Variants in ELP5 observed in about 807,000 individuals in gnomAD.
The protein encoded by ELP5 is elongator complex protein 5.
Under a neutral mutation model 33.4 loss-of-function variants are expected in ELP5, and 34 were observed. That is an observed-to-expected ratio of 1.02 (90% CI 0.78 to 1.36). The LOEUF is 1.36. ELP5 is among the 40% of genes most tolerant of loss of function. The pLI is 0.00. For synonymous variants in ELP5, 161 were observed against 146.4 expected (o/e 1.10, Z -0.72); for missense variants, 373 against 371.7 (o/e 1.00, Z -0.03).
intron 5 of ELP5, among the ~76,000 whole-genome samples, chr17:7,257,643 C>T (rs1326596290): frequency 2.0e-5 from 3 of 151,990 alleles, no homozygotes; most frequent in African/African-American, 2.4e-5. Context: ...CACCCTGTTG[C>T]CCAGGCTGGT....
intron 4 of ELP5, 59 bp from the exon 5 acceptor site, chr17:7,256,798 G>A (rs1292422781): frequency 6.4e-7 from 1 of 1,560,814 alleles, no homozygotes; most frequent in East Asian, 2.2e-5. Flanking sequence ...TTCACTGTTA[G>A]CTCCCAGGCC....
Position 7,256,758 on chromosome 17 carries a change from A to T in ELP5, c.410-99A>T. Reference sequence around the variant, plus strand: ...CAAGGGACGTCAGGATTTTGGCAGCACTGTGATGGAATTGTGAGGCTCTCT... The same window carrying T: ...CAAGGGACGTCAGGATTTTGGCAGCTCTGTGATGGAATTGTGAGGCTCTCT... On this transcript the variant is annotated intron_variant, in intron 4 of 7. Transcript: ENST00000396628. 3.1e-6 allele frequency: 4 copies of T among 1,270,248 alleles called. No individual in the cohort carries two copies. The South Asian group carries it at 3.9e-5, about 12-fold the overall frequency. The allele number at this position is 1,270,248 out of a possible 1,614,324, so 78.7% of individuals were successfully genotyped here. A position where few individuals can be genotyped will look rare whatever the true frequency, so the allele number is the denominator to read the frequency against.
At chr17:7,257,708 A>T (rs1164280601) in intron 5 of ELP5, among the ~76,000 whole-genome samples, 1 of 152,098 alleles carries the variant, frequency 6.6e-6, no homozygotes, top group African/African-American at 2.4e-5. Context: ...AAGTGCTGGG[A>T]TTACAGGTGT....
chr17:7,258,937 G>A lies in ELP5; in HGVS notation c.788+11G>A. 1 of 1,614,132 alleles carries A rather than the reference G, an allele frequency of 6.2e-7. No individual in the cohort carries two copies. Among genetic ancestry groups the A allele is most frequent in the Non-Finnish European group, 8.5e-7 (1 of 1,180,026 alleles). On this transcript the variant is annotated intron_variant, in intron 7 of 7. Coordinates refer to ENST00000396628, the MANE Select transcript of ELP5 (RefSeq NM_203414.3). ...GTTCAGTTCTGAAAAGTAAGGTTGG[G>A]ACCTGGGTACGTGGATCCCTGAGTA...
chr17:7,255,169 G>T (rs895356840), intron 4 of ELP5, among the ~76,000 whole-genome samples: 1 of 151,828 alleles, frequency 6.6e-6, no homozygotes, highest in African/African-American at 2.4e-5. Context: ...TAAGTAAACA[G>T]GCAGTTACAA....
At chr17:7,256,506 T>C (rs1275519665) in intron 4 of ELP5, among the ~76,000 whole-genome samples, 14 of 152,102 alleles carry the variant, frequency 9.2e-5, no homozygotes, top group Admixed American at 9.2e-4. Context: ...TTGAAGGCAC[T>C]GACTGAGATC....
rs141204395 is a variant in ELP5 at position 7,259,612 on chromosome 17, G to C, written c.830G>C (p.Ser277Thr). ...LLRPRPGQAT[S>T]HIFYEPDAYD... The stretch of plus-strand genomic sequence containing the variant: ...CGGCCTAGGCCAGGGCAGGCTACCA[G>C]CCACATCTTCTATGAGCCAGATGCT... Residue 277 changes from serine to threonine, a missense_variant, in exon 8 of 8, where the codon AGC (serine) becomes ACC (threonine). By Grantham distance (58) the Ser-to-Thr change is moderately conservative. Transcript: ENST00000396628. 173 of 1,614,240 alleles carry C rather than the reference G, an allele frequency of 1.1e-4. No homozygotes were observed. The highest frequency in any genetic ancestry group is 1.3e-4 in the Non-Finnish European group (159 of 1,180,036).
In ELP5 at chr17:7,256,880, G is replaced by C; in HGVS notation, c.433G>C (p.Val145Leu). The change falls in exon 5 of 8, where the codon GTG (valine) becomes CTG (leucine). Residue 145 changes from valine to leucine, a missense_variant. Physicochemically the swap from Val to Leu is conservative, Grantham distance 32. Transcript: ENST00000396628. ...AGGTGACAGCTCCTCAGTGGGGAAA[G>C]TGAGTGTGCTGGGCTTGCTACATGA... is the stretch of plus-strand genomic sequence containing the variant. ...CPGDSSSVGKVSVLGLLHEEL... is the reference protein window; with the variant it reads ...CPGDSSSVGKLSVLGLLHEEL... 1 of 1,614,230 alleles carries C rather than the reference G, an allele frequency of 6.2e-7. No individual in the cohort carries two copies.
Position 7,259,587 on chromosome 17 carries a change from C to T in ELP5, c.805C>T (p.Arg269Trp), listed in dbSNP as rs201957922. The T allele has an allele frequency of 3.2e-5, 51 of 1,614,118 alleles. No individual in the cohort carries two copies. The African/African-American group carries it at 4.3e-4, about 14-fold the overall frequency. ...CCTTCTCAGACAGCAGGCTCTCCTG[C>T]GGCCTAGGCCAGGGCAGGCTACCAG... ...FSSEKQQALLRPRPGQATSHI... is the reference protein window; with the variant it reads ...FSSEKQQALLWPRPGQATSHI... Residue 269 changes from arginine to tryptophan, a missense_variant, in exon 8 of 8, where the codon CGG becomes TGG. By Grantham distance (101) the Arg-to-Trp change is moderately radical. Transcript: ENST00000396628.
Position 7,259,882 on chromosome 17 carries a change from TGA to T in ELP5, c.*203_*204del, listed in dbSNP as rs2072174426. 7.9e-6 allele frequency: 7 copies of T among 883,876 alleles called. No individual in the cohort carries two copies. Among genetic ancestry groups the T allele is most frequent in the Admixed American group, 2.9e-5 (1 of 33,968 alleles). 54.8% of individuals were successfully genotyped at this position (883,876 alleles called of 1,614,324 possible). On this transcript the variant is annotated 3_prime_UTR_variant, in exon 8 of 8. Coordinates refer to ENST00000396628, the MANE Select transcript of ELP5 (RefSeq NM_203414.3). ...GGTAGGATGAAGACATGGGGTAATG[TGA>T]GAGAGTAGAACACCCCCGTACCTAA...
chr17:7,254,657 T>G lies in ELP5; in HGVS notation c.263T>G (p.Leu88Arg), dbSNP rs1189197075. ...KTEEAFPGGP[L>R]GALRAMCKRT... is the part of the protein sequence containing the mutation. The stretch of plus-strand genomic sequence containing the variant: ...GAGGAGGCCTTTCCTGGGGGGCCGC[T>G]GGGAGCCTTGAGAGCCATGTGCAAG... The change falls in exon 4 of 8, where the codon CTG becomes CGG. Residue 88 changes from leucine (L) to arginine (R), a missense_variant. By Grantham distance (102) the Leu-to-Arg change is moderately radical. Coordinates refer to ENST00000396628, the MANE Select transcript of ELP5 (RefSeq NM_203414.3). 6.2e-7 allele frequency: 1 copy of G among 1,614,194 alleles called. No individual in the cohort carries two copies. The highest frequency in any genetic ancestry group is 2.2e-5 in the East Asian group (1 of 44,890).
At chr17:7,253,278 TTAAGG>T (rs1236252115) in intron 3 of ELP5, among the ~76,000 whole-genome samples, 6 of 152,182 alleles carry the variant, frequency 3.9e-5, no homozygotes, top group Non-Finnish European at 2.9e-5. Flanking sequence ...GCTTCACTCT[TTAAGG>T]TACATATGTA....
At chr17:7,258,713 G>T (rs1272961970) in intron 6 of ELP5, 30 bp downstream of exon 6, 1 of 1,614,112 alleles carries the variant, frequency 6.2e-7, no homozygotes, top group East Asian at 2.2e-5. Flanking sequence ...CCAGAACAAG[G>T]AAATGTAGTT....
chr17:7,255,881 C>T (rs1015282668), intron 4 of ELP5, among the ~76,000 whole-genome samples: 1 of 151,082 alleles, frequency 6.6e-6, no homozygotes, highest in Non-Finnish European at 1.5e-5. Context: ...ATGGTGAAAC[C>T]CTGTCTCTAC....
intron 1 of ELP5, 57 bp downstream of exon 1, chr17:7,252,653 G>C: frequency 6.2e-7 from 1 of 1,602,478 alleles, no homozygotes; most frequent in Non-Finnish European, 8.5e-7. Context: ...CTGGCTGAGG[G>C]GACGGAAGTG....
At chr17:7,256,705 A>G in intron 4 of ELP5, 152 bp from the exon 5 acceptor site, 1 of 674,638 alleles carries the variant, frequency 1.5e-6, no homozygotes, top group Non-Finnish European at 2.6e-6. Context: ...GGGCTGGAGG[A>G]GGCTCAGAGC....
chr17:7,254,775 T>G lies in ELP5; in HGVS notation c.381T>G (p.His127Gln). The change falls in exon 4 of 8, where the codon CAT (histidine) becomes CAG (glutamine). Residue 127 changes from histidine (H) to glutamine (Q), a missense_variant. By Grantham distance (24) the His-to-Gln change is conservative (BLOSUM62 0). Transcript: ENST00000396628. Reference protein sequence around the residue: ...LPCTTLCQVLHAVSHQDSCPG... With the variant: ...LPCTTLCQVLQAVSHQDSCPG... ...GCACCACACTCTGCCAGGTCCTGCA[T>G]GCTGTGAGCCATCAGGACTCTTGTC... 1 of 1,614,210 alleles carries G rather than the reference T, an allele frequency of 6.2e-7. No individual in the cohort carries two copies. The highest frequency in any genetic ancestry group is 8.5e-7 in the Non-Finnish European group (1 of 1,180,018).
At chr17:7,256,747 AT>A (rs1328705487) in intron 4 of ELP5, 109 bp from the exon 5 acceptor site, 52 of 1,142,634 alleles carry the variant, frequency 4.6e-5, no homozygotes, top group Admixed American at 9.4e-5. Context: ...GGACGTCAGG[AT>A]TTTGGCAGCA....
chr17:7,253,535 A>C lies in ELP5; in HGVS notation c.188+537A>C, dbSNP rs188808823. ...AGTATTGAGATAAGGAAGTTCCTAAACCCAGCGGCATGCCTGATCAGGAGA... is the reference window on the plus strand; with the variant it reads ...AGTATTGAGATAAGGAAGTTCCTAACCCCAGCGGCATGCCTGATCAGGAGA... On this transcript the variant is annotated intron_variant, in intron 3 of 7. Transcript: ENST00000396628. 5.3e-5 allele frequency among the ~76,000 whole-genome samples: 8 copies of C among 152,308 alleles called. No homozygotes were observed. In the East Asian group the frequency reaches 1.5e-3, roughly 29 times the overall value.
Sources: gnomAD v4.1 joint callset for allele counts (sites outside exome capture counted in the v4.1 genomes callset) on GRCh38, gnomAD v4.1.1 for gene constraint, MANE v1.5 for transcripts, NCBI Gene and HGNC (gene_info 2026-07-23, HGNC 2026-07-21) for gene names.